The following SEMA6A variants were observed in gnomAD, a reference collection of about 807,000 sequenced individuals.
SEMA6A encodes semaphorin 6A.
A neutral mutation model predicts 96.8 loss-of-function variants in SEMA6A; 25 were observed. The ratio of observed to expected loss-of-function variants is 0.26; its 90% CI spans 0.19 to 0.36. The LOEUF (loss-of-function observed/expected upper bound fraction) is 0.36. Ranked by LOEUF, SEMA6A falls within the 10% of genes least tolerant of loss-of-function variation. SEMA6A has a pLI of 1.00. For missense variants in SEMA6A, 1,363 were observed against 1,323.1 expected, an observed-to-expected ratio of 1.03 and a Z score of -0.47; for synonymous variants, 612 against 518.0, an observed-to-expected ratio of 1.18 and a Z score of -2.46.
At chr5:116,508,565 A>G (rs1055784874) in intron 1 of SEMA6A, among the ~76,000 whole-genome samples, 5 of 152,190 alleles carry the variant, frequency 3.3e-5, no homozygotes, top group East Asian at 1.9e-4. Flanking sequence ...GGAAAATTCT[A>G]CGGGGGCTCA....
chr5:116,466,378 C>CAA (rs536164347), intron 18 of SEMA6A, among the ~76,000 whole-genome samples: 17 of 63,896 alleles, frequency 2.7e-4, no homozygotes, highest in South Asian at 5.8e-4. Context: ...GACTCCATCT[C>CAA]AAAAAAAAAA....
At chr5:116,499,856 C>T (rs1371431762) in intron 3 of SEMA6A, among the ~76,000 whole-genome samples, 1 of 152,124 alleles carries the variant, frequency 6.6e-6, no homozygotes, top group East Asian at 1.9e-4. Flanking sequence ...TGCATAGTAC[C>T]TTGCTCCTAA....
At chr5:116,503,769 C>G (rs1212047831) in intron 2 of SEMA6A, among the ~76,000 whole-genome samples, 1 of 152,146 alleles carries the variant, frequency 6.6e-6, no homozygotes, top group East Asian at 1.9e-4. Context: ...CCCACCTCGG[C>G]CTCCCAAAGT....
intron 18 of SEMA6A, among the ~76,000 whole-genome samples, chr5:116,466,919 G>C (rs1755794564): frequency 6.6e-6 from 1 of 152,188 alleles, no homozygotes; most frequent in Non-Finnish European, 1.5e-5. Context: ...TTTCCTGTCT[G>C]CAGCTAAGCA....
chr5:116,467,527 C>T, intron 18 of SEMA6A, 56 bp downstream of exon 18: 1 of 1,531,434 alleles, frequency 6.5e-7, no homozygotes, highest in Non-Finnish European at 8.8e-7. Flanking sequence ...TTACACAGTC[C>T]TCCCCACTTT....
Position 116,488,200 on chromosome 5 carries a change from T to C in SEMA6A, c.656-4A>G. Reference sequence around the variant, plus strand: ...ACGGCTTGAACAAAGTATGGTTCTGTAGACAAACAGGCACTTTAATTGGGA... The same window carrying C: ...ACGGCTTGAACAAAGTATGGTTCTGCAGACAAACAGGCACTTTAATTGGGA... On this transcript the variant is annotated splice_polypyrimidine_tract_variant and splice_region_variant and intron_variant, in intron 8 of 18. Transcript: ENST00000343348. The C allele has an allele frequency of 6.3e-7, 1 of 1,595,420 alleles. No homozygotes were observed. Among genetic ancestry groups the C allele is most frequent in the Middle Eastern group, 1.7e-4 (1 of 6,040 alleles).
At chr5:116,561,579 G>C (rs1760819358) in intron 1 of SEMA6A, among the ~76,000 whole-genome samples, 1 of 152,208 alleles carries the variant, frequency 6.6e-6, no homozygotes, top group Non-Finnish European at 1.5e-5. Flanking sequence ...ACTCTTTCAT[G>C]TTCTACGCAG....
intron 1 of SEMA6A, among the ~76,000 whole-genome samples, chr5:116,561,567 A>C (rs1183942463): frequency 6.6e-6 from 1 of 152,254 alleles, no homozygotes; most frequent in Non-Finnish European, 1.5e-5. Flanking sequence ...CGTACATTTA[A>C]AACTCTTTCA....
chr5:116,516,376 T>G (rs531811809), intron 1 of SEMA6A, among the ~76,000 whole-genome samples: 1 of 152,294 alleles, frequency 6.6e-6, no homozygotes, highest in South Asian at 2.1e-4. Flanking sequence ...CCCACATTTT[T>G]GGGGAAATTC....
intron 1 of SEMA6A, chr5:116,554,671 C>T (rs767069899): frequency 2.0e-5 from 3 of 152,086 alleles, no homozygotes; most frequent in Non-Finnish European, 2.9e-5. Context: ...CTTGGCCTAC[C>T]TTCTTAAAAG....
chr5:116,523,598 C>G (rs1249492668), intron 1 of SEMA6A, among the ~76,000 whole-genome samples: 1 of 152,138 alleles, frequency 6.6e-6, no homozygotes, highest in Non-Finnish European at 1.5e-5. Flanking sequence ...ATGCATGAGC[C>G]ACTGCACCCG....
At chr5:116,536,866 T>TAAAAAAAAAAAAAAAAAAAAAAA (rs72214884) in intron 1 of SEMA6A, among the ~76,000 whole-genome samples, 9 of 69,522 alleles carry the variant, frequency 1.3e-4, no homozygotes, top group East Asian at 4.8e-4. Flanking sequence ...TGTGATTTCT[T>TAAAAAAAAAAAAAAAAAAAAAAA]AAAAAAAAAA....
chr5:116,447,495 G>A lies in SEMA6A; in HGVS notation c.2211C>T (p.Asn737=), dbSNP rs754123705. The A allele has an allele frequency of 3.1e-6, 5 of 1,613,980 alleles. No individual in the cohort carries two copies. Among genetic ancestry groups the A allele is most frequent in the African/African-American group, 1.3e-5 (1 of 74,952 alleles). The change falls in exon 19 of 19, where the codon AAC becomes AAT. Residue 737 remains asparagine (N), a synonymous_variant. Transcript: ENST00000343348. ...CTGCTTTAATGAGCATCTTGGCCGTGTTGCCGGGAGTGGCGAGCTTGCCGT... is the reference window on the plus strand; with the variant it reads ...CTGCTTTAATGAGCATCTTGGCCGTATTGCCGGGAGTGGCGAGCTTGCCGT... ...MHNGKLATPG[N]TAKMLIKADQ... is the part of the protein sequence containing the mutation.
rs1757920581 is a variant in SEMA6A at position 116,502,289 on chromosome 5, C to T, written c.139G>A (p.Gly47Arg). ...CTGTGCCTCTGTGTGGTGTTCCGTC[C>T]TGGCTTGTGGCCCACAAACACCGGA... ...QYPVFVGHKPGRNTTQRHRLD... is the reference protein window; with the variant it reads ...QYPVFVGHKPRRNTTQRHRLD... Residue 47 changes from glycine to arginine, a missense_variant, in exon 3 of 19, where the codon GGA (glycine) becomes AGA (arginine). By Grantham distance (125) the Gly-to-Arg change is moderately radical (BLOSUM62 -2). Coordinates refer to ENST00000343348, the MANE Select transcript of SEMA6A (RefSeq NM_020796.5). 1.2e-6 allele frequency: 2 copies of T among 1,613,822 alleles called. No individual in the cohort carries two copies. The highest frequency in any genetic ancestry group is 1.7e-5 in the Admixed American group (1 of 59,996).
At chr5:116,512,785 A>G (rs1758477333) in intron 1 of SEMA6A, among the ~76,000 whole-genome samples, 1 of 151,830 alleles carries the variant, frequency 6.6e-6, no homozygotes, top group Admixed American at 6.6e-5. Flanking sequence ...TGTTTCAGAT[A>G]CAGTCTCATG....
intron 16 of SEMA6A, among the ~76,000 whole-genome samples, chr5:116,473,940 A>C (rs893127196): frequency 1.3e-5 from 2 of 152,210 alleles, no homozygotes; most frequent in Non-Finnish European, 2.9e-5. Context: ...ACTACAAAGC[A>C]CGAAGGCAGA....
intron 10 of SEMA6A, among the ~76,000 whole-genome samples, chr5:116,484,609 C>T (rs1466924700): frequency 6.6e-6 from 1 of 151,300 alleles, no homozygotes. Context: ...GGTGACAGAG[C>T]GAGACTCCGT....
intron 18 of SEMA6A, among the ~76,000 whole-genome samples, chr5:116,463,622 C>A (rs1755550226): frequency 6.6e-6 from 1 of 152,160 alleles, no homozygotes. Flanking sequence ...TGTAATACAT[C>A]TTATTCTTGT....
chr5:116,545,889 C>T (rs1242795863), intron 1 of SEMA6A, among the ~76,000 whole-genome samples: 1 of 152,020 alleles, frequency 6.6e-6, no homozygotes, highest in Non-Finnish European at 1.5e-5. Flanking sequence ...TCTTCATGGC[C>T]CTATCTAGTT....
Sources: gnomAD v4.1 joint callset for allele counts (sites outside exome capture counted in the v4.1 genomes callset) on GRCh38, gnomAD v4.1.1 for gene constraint, MANE v1.5 for transcripts, NCBI Gene and HGNC (gene_info 2026-07-23, HGNC 2026-07-21) for gene names.